The following EFCAB13 variants were observed in gnomAD, a reference collection of about 807,000 sequenced individuals.
EFCAB13 encodes EF-hand calcium-binding domain-containing protein 13.
In EFCAB13, 91 loss-of-function variants were observed where a neutral mutation model predicts 110.2. That is an observed-to-expected ratio of 0.83 (90% CI 0.70 to 0.98). The LOEUF (loss-of-function observed/expected upper bound fraction) is 0.98. Ranked by LOEUF, EFCAB13 falls within the 50% of genes least tolerant of loss-of-function variation. EFCAB13 has a pLI of 0.00. For synonymous variants in EFCAB13, 323 were observed against 369.9 expected (o/e 0.87, Z 1.45); for missense variants, 968 against 1,119.4 (o/e 0.86, Z 1.93).
intron 9 of EFCAB13, among the ~76,000 whole-genome samples, chr17:47,356,918 G>T (rs1432990267): frequency 6.6e-6 from 1 of 152,188 alleles, no homozygotes. Flanking sequence ...TGCTGTCGGG[G>T]TGAAGGTGTG....
At chr17:47,330,203 G>A (rs1320166139) in intron 4 of EFCAB13, among the ~76,000 whole-genome samples, 5 of 150,576 alleles carry the variant, frequency 3.3e-5, no homozygotes, top group Non-Finnish European at 7.4e-5. Context: ...TCTTTTTGGG[G>A]GGGTGGGGAG....
chr17:47,352,220 G>A (rs1457910336), intron 9 of EFCAB13, among the ~76,000 whole-genome samples: 1 of 151,992 alleles, frequency 6.6e-6, no homozygotes, highest in East Asian at 1.9e-4. Context: ...TATTCTTAAA[G>A]CTTCAAGTAT....
At chr17:47,350,603 T>TG (rs2065444282) in intron 9 of EFCAB13, among the ~76,000 whole-genome samples, 11 of 151,596 alleles carry the variant, frequency 7.3e-5, no homozygotes, top group Admixed American at 6.6e-4. Flanking sequence ...GTGTGTGTGT[T>TG]TTTTTTTCTG....
At chr17:47,326,150 G>A (rs1206591991) in intron 2 of EFCAB13, 76 bp from the exon 3 acceptor site, 1 of 151,758 alleles carries the variant, frequency 6.6e-6, no homozygotes, top group East Asian at 1.9e-4. Context: ...TAGAAGACAG[G>A]ATTGAAATAG....
chr17:47,426,179 C>A (rs768836133), intron 23 of EFCAB13, among the ~76,000 whole-genome samples: 3 of 152,154 alleles, frequency 2.0e-5, no homozygotes, highest in South Asian at 2.1e-4. Context: ...AAGATGGACT[C>A]TATTACGTGA....
At chr17:47,409,780 T>C in intron 21 of EFCAB13, 89 bp downstream of exon 21, 1 of 1,050,556 alleles carries the variant, frequency 9.5e-7, no homozygotes, top group South Asian at 1.3e-5. Context: ...TTTCTCATTT[T>C]TCCTGCTGAC....
chr17:47,336,267 C>T (rs1467864886), intron 5 of EFCAB13, among the ~76,000 whole-genome samples: 2 of 150,660 alleles, frequency 1.3e-5, no homozygotes, highest in African/African-American at 4.9e-5. Context: ...GCTGGGACTA[C>T]AGGCGTGCGC....
intron 17 of EFCAB13, among the ~76,000 whole-genome samples, chr17:47,401,444 T>A (rs1259001631): frequency 6.6e-6 from 1 of 152,176 alleles, no homozygotes; most frequent in Non-Finnish European, 1.5e-5. Context: ...GAAATTGTAG[T>A]CATAGGCCTA....
At chr17:47,361,631 T>A (rs1182525964) in intron 10 of EFCAB13, 110 bp downstream of exon 10, 2 of 913,764 alleles carry the variant, frequency 2.2e-6, no homozygotes, top group Admixed American at 6.2e-5. Flanking sequence ...CTTTTTTCTC[T>A]TGATTCTTAC....
chr17:47,332,047 G>A (rs989502207), intron 4 of EFCAB13, among the ~76,000 whole-genome samples: 1 of 152,090 alleles, frequency 6.6e-6, no homozygotes, highest in Admixed American at 6.5e-5. Flanking sequence ...AGGTTTTTAT[G>A]TGGAAATAAA....
At chr17:47,371,380 T>A (rs2065583848) in intron 11 of EFCAB13, among the ~76,000 whole-genome samples, 1 of 152,184 alleles carries the variant, frequency 6.6e-6, no homozygotes, top group Non-Finnish European at 1.5e-5. Flanking sequence ...AAGTCTTTAA[T>A]CCAGCTTGAG....
chr17:47,340,641 C>T (rs544548112), intron 5 of EFCAB13, among the ~76,000 whole-genome samples: 4 of 151,964 alleles, frequency 2.6e-5, no homozygotes, highest in Admixed American at 2.6e-4. Context: ...CTTGCCCTGT[C>T]ACCCAGGCTG....
At chr17:47,423,770 T>G (rs1168374889) in intron 23 of EFCAB13, among the ~76,000 whole-genome samples, 1 of 151,622 alleles carries the variant, frequency 6.6e-6, no homozygotes, top group Non-Finnish European at 1.5e-5. Flanking sequence ...CCTGAAGCGG[T>G]GGTGGTCGGC....
At chr17:47,384,316 G>A (rs1179446773) in intron 14 of EFCAB13, among the ~76,000 whole-genome samples, 2 of 151,730 alleles carry the variant, frequency 1.3e-5, no homozygotes, top group Admixed American at 6.6e-5. Context: ...CACATTTAAG[G>A]TTAATATTGT....
chr17:47,402,459 A>G (rs1183010653), intron 18 of EFCAB13, among the ~76,000 whole-genome samples: 1 of 152,236 alleles, frequency 6.6e-6, no homozygotes, highest in African/African-American at 2.4e-5. Context: ...AACTTGGAGG[A>G]GCCAAGAGAA....
intron 17 of EFCAB13, among the ~76,000 whole-genome samples, chr17:47,400,121 C>T (rs2065771132): frequency 1.3e-5 from 2 of 152,198 alleles, no homozygotes. Flanking sequence ...TTTCTCCTGA[C>T]TCTGATATCT....
In EFCAB13 at chr17:47,324,446, TC is replaced by T. The variant is rs1367748060; in HGVS notation, c.-317-6del. On this transcript the variant is annotated splice_region_variant and splice_polypyrimidine_tract_variant and intron_variant, in intron 1 of 24. Coordinates refer to ENST00000331493, the MANE Select transcript of EFCAB13 (RefSeq NM_152347.5). ...TCGCTAGCTTACAGGTCCTCTTTCT[TC>T]CTGTAGAAGTCGTTGGCTTCGTAAG... The T allele has an allele frequency of 2.6e-5, 4 of 152,104 alleles. No individual in the cohort carries two copies. The highest frequency in any genetic ancestry group is 5.9e-5 in the Non-Finnish European group (4 of 68,034). 9.4% of individuals were successfully genotyped at this position (152,104 alleles called of 1,614,324 possible). A position where few individuals can be genotyped will look rare whatever the true frequency, so the allele number is the denominator to read the frequency against.
intron 4 of EFCAB13, among the ~76,000 whole-genome samples, chr17:47,330,269 TTTG>T (rs1413020839): frequency 1.3e-5 from 2 of 151,952 alleles, no homozygotes; most frequent in African/African-American, 4.8e-5. Flanking sequence ...GGCTTTGTTT[TTTG>T]TTATTTTATT....
chr17:47,359,852 A>G (rs1269848714), intron 9 of EFCAB13, among the ~76,000 whole-genome samples: 1 of 130,376 alleles, frequency 7.7e-6, no homozygotes. Context: ...TTCAATTCCC[A>G]TCTATGAGTG....
Sources: allele counts gnomAD v4.1 joint callset (sites outside exome capture counted in the v4.1 genomes callset), GRCh38; gene constraint gnomAD v4.1.1; transcripts MANE v1.5; gene names NCBI Gene and HGNC (gene_info 2026-07-23, HGNC 2026-07-21).